The following RBFOX1 variants were observed in gnomAD, a reference collection of about 807,000 sequenced individuals.
RBFOX1 encodes RNA binding protein fox-1 homolog 1.
In RBFOX1, 8 loss-of-function variants were observed where a neutral mutation model predicts 57.7. The observed-to-expected ratio is 0.14, with a 90% CI of 0.08 to 0.25. The LOEUF (loss-of-function observed/expected upper bound fraction) is 0.25, where lower values mean the gene tolerates loss of function less well. Among genes scored for constraint, RBFOX1 ranks in the 10% least tolerant of loss-of-function variants. The probability of loss-of-function intolerance (pLI) is 1.00; values close to 1 mark genes in which losing one functional copy is unlikely to be tolerated. For missense variants in RBFOX1, 611 were observed against 548.5 expected (o/e 1.11, Z -1.14); for synonymous variants, 326 against 222.4 (o/e 1.47, Z -4.15).
chr16:6,750,041 A>C (rs1467017178), intron 3 of RBFOX1, among the ~76,000 whole-genome samples: 1 of 152,130 alleles, frequency 6.6e-6, no homozygotes, highest in Non-Finnish European at 1.5e-5. Context: ...TTTGAAATTG[A>C]TGTAGCTATC....
chr16:5,513,391 C>T (rs920472698), intron 2 of RBFOX1, among the ~76,000 whole-genome samples: 2 of 152,132 alleles, frequency 1.3e-5, no homozygotes, highest in African/African-American at 4.8e-5. Context: ...TCGAGGGTGC[C>T]AACTACCGAC....
intron 1 of RBFOX1, among the ~76,000 whole-genome samples, chr16:6,256,161 A>C (rs1363211028): frequency 6.7e-5 from 1 of 14,952 alleles, no homozygotes; most frequent in African/African-American, 1.5e-4. Flanking sequence ...ATATATATGT[A>C]TATATATATG....
intron 3 of RBFOX1, among the ~76,000 whole-genome samples, chr16:6,796,357 C>G (rs1379615098): frequency 6.6e-6 from 1 of 152,124 alleles, no homozygotes; most frequent in East Asian, 1.9e-4. Context: ...ACAGCCAAAC[C>G]ATATCAGTTA....
intron 4 of RBFOX1, among the ~76,000 whole-genome samples, chr16:5,999,382 A>G (rs1337380063): frequency 1.3e-5 from 2 of 152,234 alleles, no homozygotes; most frequent in Non-Finnish European, 2.9e-5. Context: ...GACCGGGTCA[A>G]ACTCTTCCCC....
Position 5,767,815 on chromosome 16 carries a change from C to T in RBFOX1, c.319-99488C>T, listed in dbSNP as rs990783713. Among the ~76,000 whole-genome samples the T allele has an allele frequency of 2.0e-5, 3 of 152,130 alleles. 1 individual carries two copies. Among genetic ancestry groups the T allele is most frequent in the Admixed American group, 2.0e-4 (3 of 15,272 alleles). On this transcript the variant is annotated intron_variant, in intron 3 of 19. Transcript: ENST00000641259. The stretch of plus-strand genomic sequence containing the variant: ...CAGCAGTACCAAAATGAGGGGCTCT[C>T]GACTTTGGCCACCTCCTCCCCCTCA...
chr16:5,996,901 A>C (rs1330821588), intron 4 of RBFOX1, among the ~76,000 whole-genome samples: 1 of 152,184 alleles, frequency 6.6e-6, no homozygotes, highest in Non-Finnish European at 1.5e-5. Flanking sequence ...TGAAAGTAAG[A>C]GCAAAAACCA....
At chr16:7,664,700 A>ACCG (rs1414363087) in intron 12 of RBFOX1, 1 of 653,660 alleles carries the variant, frequency 1.5e-6, no homozygotes, top group Admixed American at 3.0e-5. Context: ...GACCTAGCAC[A>ACCG]CCGCCACCAC....
intron 4 of RBFOX1, among the ~76,000 whole-genome samples, chr16:7,132,273 G>C (rs532402759): frequency 3.9e-5 from 6 of 152,064 alleles, no homozygotes; most frequent in African/African-American, 1.2e-4. Flanking sequence ...GAGATACCCT[G>C]TCCGGCCAGA....
At chr16:6,703,511 A>T (rs61436106) in intron 3 of RBFOX1, among the ~76,000 whole-genome samples, 1,809 of 118,350 alleles carry the variant, frequency 0.015, 35 homozygotes, top group African/African-American at 0.055. Flanking sequence ...CAGCAGTTCA[A>T]GGCAGCCTAG....
chr16:7,564,686 C>G (rs1042715356), intron 5 of RBFOX1, among the ~76,000 whole-genome samples: 1 of 152,094 alleles, frequency 6.6e-6, no homozygotes, highest in African/African-American at 2.4e-5. Flanking sequence ...GTTTAAACCA[C>G]CCAGCCTGTG....
intron 3 of RBFOX1, among the ~76,000 whole-genome samples, chr16:6,934,884 G>C (rs1195930494): frequency 6.6e-6 from 1 of 152,044 alleles, no homozygotes; most frequent in Non-Finnish European, 1.5e-5. Context: ...TCAGGAGTTT[G>C]AGACTAGCCT....
chr16:7,115,313 T>C (rs547212228), intron 4 of RBFOX1, among the ~76,000 whole-genome samples: 1 of 152,316 alleles, frequency 6.6e-6, no homozygotes, highest in East Asian at 1.9e-4. Flanking sequence ...CCAGCAACGT[T>C]GCTAGGCTTT....
chr16:6,953,510 C>T lies in RBFOX1; in HGVS notation c.-15-98547C>T, dbSNP rs1012323899. On this transcript the variant is annotated intron_variant, in intron 3 of 15. Coordinates refer to ENST00000550418, the MANE Select transcript of RBFOX1 (RefSeq NM_018723.4). ...AAGCGATTCTTCTGCTTCAGCCTCCCGAGTAGCTGGGATTACGGGGGTGTG... is the reference window on the plus strand; with the variant it reads ...AAGCGATTCTTCTGCTTCAGCCTCCTGAGTAGCTGGGATTACGGGGGTGTG... 5.3e-5 allele frequency among the ~76,000 whole-genome samples: 8 copies of T among 152,062 alleles called. No homozygotes were observed. In the East Asian group the frequency reaches 5.8e-4, roughly 11 times the overall value.
chr16:6,724,193 G>A (rs906399808), intron 3 of RBFOX1, among the ~76,000 whole-genome samples: 27 of 151,042 alleles, frequency 1.8e-4, no homozygotes, highest in African/African-American at 5.4e-4. Context: ...TGAGGACGGC[G>A]AGAAGGCATC....
At chr16:5,765,788 C>T (rs1387035040) in intron 3 of RBFOX1, among the ~76,000 whole-genome samples, 2 of 152,188 alleles carry the variant, frequency 1.3e-5, no homozygotes, top group Non-Finnish European at 2.9e-5. Flanking sequence ...TCTGGCTTTG[C>T]TGCAAGTACA....
intron 3 of RBFOX1, among the ~76,000 whole-genome samples, chr16:6,913,737 G>A (rs2072341716): frequency 6.6e-6 from 1 of 152,158 alleles, no homozygotes; most frequent in Non-Finnish European, 1.5e-5. Flanking sequence ...TCCTAGCCAA[G>A]CGTCTGGGCA....
intron 3 of RBFOX1, among the ~76,000 whole-genome samples, chr16:6,904,106 C>T (rs1047820010): frequency 3.3e-5 from 5 of 152,128 alleles, no homozygotes; most frequent in African/African-American, 1.2e-4. Flanking sequence ...TATTCACCAC[C>T]CCTATACCTA....
At chr16:7,412,480 CACA>C (rs1321097216) in intron 4 of RBFOX1, among the ~76,000 whole-genome samples, 1 of 151,078 alleles carries the variant, frequency 6.6e-6, no homozygotes, top group Non-Finnish European at 1.5e-5. Flanking sequence ...GTACAAACTT[CACA>C]ACATTTCTGT....
intron 2 of RBFOX1, among the ~76,000 whole-genome samples, chr16:6,542,454 T>C (rs976934778): frequency 6.9e-6 from 1 of 145,484 alleles, no homozygotes; most frequent in African/African-American, 2.5e-5. Flanking sequence ...GATAATCGCA[T>C]GATCCACTGC....
Sources: gnomAD v4.1 joint callset for allele counts (sites outside exome capture counted in the v4.1 genomes callset) on GRCh38, gnomAD v4.1.1 for gene constraint, MANE v1.5 for transcripts, NCBI Gene and HGNC (gene_info 2026-07-23, HGNC 2026-07-21) for gene names.